DLEU7: variants seen among roughly 807,000 people sequenced by gnomAD.
DLEU7 encodes leukemia-associated protein 7.
In DLEU7, 17 loss-of-function variants were observed where a neutral mutation model predicts 16.0. The ratio of observed to expected loss-of-function variants is 1.06; its 90% CI spans 0.73 to 1.59. The LOEUF is 1.59. Ranked by LOEUF, DLEU7 falls within the 40% of genes most tolerant of loss-of-function variation. The pLI is 0.00. For missense variants in DLEU7, 308 were observed against 314.9 expected (o/e 0.98, Z 0.17); for synonymous variants, 113 against 139.8 (o/e 0.81, Z 1.35).
intron 1 of DLEU7, among the ~76,000 whole-genome samples, chr13:50,768,538 G>A (rs1875192635): frequency 6.6e-6 from 1 of 151,080 alleles, no homozygotes; most frequent in East Asian, 2.0e-4. Flanking sequence ...TGCGGTGTTT[G>A]GTTTTCTGTC....
At chr13:50,718,590 T>C (rs1474568304) in intron 1 of DLEU7, among the ~76,000 whole-genome samples, 1 of 152,224 alleles carries the variant, frequency 6.6e-6, no homozygotes, top group African/African-American at 2.4e-5. Flanking sequence ...TCAGTCATTC[T>C]GTTTGACACC....
chr13:50,712,315 T>C (rs1164827301), exon 2 of DLEU7: 3 of 152,346 alleles, frequency 2.0e-5, no homozygotes, highest in South Asian at 4.1e-4. Flanking sequence ...AAGGCCAATA[T>C]CCCAATTCTG....
At chr13:50,736,854 A>G (rs1051452080) in intron 1 of DLEU7, among the ~76,000 whole-genome samples, 2 of 152,122 alleles carry the variant, frequency 1.3e-5, no homozygotes, top group African/African-American at 4.8e-5. Context: ...TACAGATCCT[A>G]CAAATATTAA....
chr13:50,732,748 C>G (rs975278498), intron 1 of DLEU7, among the ~76,000 whole-genome samples: 3 of 151,724 alleles, frequency 2.0e-5, no homozygotes, highest in Non-Finnish European at 2.9e-5. Flanking sequence ...AAAATGAATT[C>G]TATTAGATGA....
intron 1 of DLEU7, among the ~76,000 whole-genome samples, chr13:50,719,080 A>C (rs1243966102): frequency 6.6e-6 from 1 of 152,236 alleles, no homozygotes; most frequent in Non-Finnish European, 1.5e-5. Context: ...ATCAGCAATC[A>C]GCGGGTGACT....
chr13:50,824,906 G>A (rs983730184), intron 1 of DLEU7, among the ~76,000 whole-genome samples: 5 of 152,142 alleles, frequency 3.3e-5, no homozygotes, highest in African/African-American at 1.2e-4. Flanking sequence ...TGCAATGTGG[G>A]ACAAGATTAA....
At chr13:50,762,600 T>C (rs1259990030) in intron 1 of DLEU7, among the ~76,000 whole-genome samples, 1 of 152,128 alleles carries the variant, frequency 6.6e-6, no homozygotes, top group African/African-American at 2.4e-5. Flanking sequence ...ACAACTTTTA[T>C]GGGTGTCAAC....
chr13:50,827,984 C>CA lies in DLEU7; in HGVS notation c.460-4465dup, dbSNP rs199612773. Among the ~76,000 whole-genome samples the CA allele has an allele frequency of 3.6e-4, 55 of 151,086 alleles. No homozygotes were observed. The Middle Eastern group carries it at 0.01, about 28-fold the overall frequency. On this transcript the variant is annotated intron_variant, in intron 1 of 1. Transcript: ENST00000504404. Reference sequence around the variant, plus strand: ...AAGCAAAGAGAAGCCAAAATAAAACCAAAAAAAATCATTATTTGGGATGAA... The same window carrying CA: ...AAGCAAAGAGAAGCCAAAATAAAACCAAAAAAAAATCATTATTTGGGATGAA...
chr13:50,796,941 T>G (rs1041372868), intron 1 of DLEU7, among the ~76,000 whole-genome samples: 3 of 152,090 alleles, frequency 2.0e-5, no homozygotes, highest in Admixed American at 1.3e-4. Flanking sequence ...CCACTACAAA[T>G]GTGGGGTTGT....
chr13:50,722,086 G>A lies in DLEU7; in HGVS notation c.460-8846C>T, dbSNP rs188940696. Among the ~76,000 whole-genome samples the A allele has an allele frequency of 4.4e-4, 67 of 152,248 alleles. 1 individual carries two copies. Among genetic ancestry groups the A allele is most frequent in the Admixed American group, 3.5e-3 (54 of 15,290 alleles). ...TTGTGTGGATTGTGAGAATGGCCCC[G>A]TTTCTTCACTCATCTATATAAAGAA... On this transcript the variant is annotated intron_variant, in intron 1 of 1. Transcript: ENST00000400393.
At chr13:50,805,791 A>G (rs1282404762) in intron 1 of DLEU7, among the ~76,000 whole-genome samples, 1 of 152,214 alleles carries the variant, frequency 6.6e-6, no homozygotes, top group East Asian at 1.9e-4. Flanking sequence ...TTATTGCTAG[A>G]GAACAAATAT....
rs1876551954 is a variant in DLEU7 at position 50,811,173 on chromosome 13, A to G, written c.459+32015T>C. On this transcript the variant is annotated intron_variant, in intron 1 of 1. Coordinates refer to the DLEU7 transcript ENST00000400393. ...ACTGCAACTTATTGCTCTGACTTAA[A>G]TTGGCAAACTATAAAGGTCACTTTT... is the stretch of plus-strand genomic sequence containing the variant. Among the ~76,000 whole-genome samples, 2 of 152,192 alleles carry G rather than the reference A, an allele frequency of 1.3e-5. 1 individual carries two copies. The highest frequency in any genetic ancestry group is 6.3e-3 in the Middle Eastern group (2 of 316).
intron 1 of DLEU7, among the ~76,000 whole-genome samples, chr13:50,782,961 T>A (rs1875698271): frequency 6.6e-6 from 1 of 152,178 alleles, no homozygotes; most frequent in African/African-American, 2.4e-5. Flanking sequence ...AAGGCGTGTG[T>A]CTCTTTTCTA....
At chr13:50,815,247 T>C (rs1050152336) in intron 1 of DLEU7, among the ~76,000 whole-genome samples, 4 of 152,148 alleles carry the variant, frequency 2.6e-5, no homozygotes, top group African/African-American at 9.7e-5. Flanking sequence ...TTTGGGAGCA[T>C]GTTAGATACG....
intron 1 of DLEU7, among the ~76,000 whole-genome samples, chr13:50,753,803 G>T (rs1297992134): frequency 6.6e-6 from 1 of 152,252 alleles, no homozygotes; most frequent in Admixed American, 6.5e-5. Flanking sequence ...CAAAGTGGGA[G>T]CCCAGGCAGA....
chr13:50,812,069 CAAAA>C (rs35178818), intron 1 of DLEU7, among the ~76,000 whole-genome samples: 2,327 of 104,574 alleles, frequency 0.022, 56 homozygotes, highest in African/African-American at 0.079. Context: ...GATTCCATCT[CAAAA>C]AAAAAAAAAA....
intron 1 of DLEU7, among the ~76,000 whole-genome samples, chr13:50,732,317 A>C (rs1174521982): frequency 6.6e-6 from 1 of 152,158 alleles, no homozygotes; most frequent in Non-Finnish European, 1.5e-5. Context: ...TTTTAAAAAA[A>C]GCTCATGTTC....
chr13:50,760,140 T>G (rs572886184), intron 1 of DLEU7, among the ~76,000 whole-genome samples: 164 of 152,350 alleles, frequency 1.1e-3, no homozygotes, highest in Non-Finnish European at 2.0e-3. Context: ...TATTTAAAAA[T>G]GCAATTCATA....
intron 1 of DLEU7, among the ~76,000 whole-genome samples, chr13:50,785,318 T>C (rs1477720544): frequency 1.3e-5 from 2 of 152,240 alleles, no homozygotes; most frequent in African/African-American, 2.4e-5. Context: ...AATCAGAAGA[T>C]GTGACAGTAA....
Sources: allele counts gnomAD v4.1 joint callset (sites outside exome capture counted in the v4.1 genomes callset), GRCh38; gene constraint gnomAD v4.1.1; transcripts MANE v1.5; gene names NCBI Gene and HGNC (gene_info 2026-07-23, HGNC 2026-07-21).